PPP2R3B: variants seen among roughly 807,000 people sequenced by gnomAD.
PPP2R3B encodes serine/threonine-protein phosphatase 2A regulatory subunit B'' subunit beta.
A neutral mutation model predicts 72.9 loss-of-function variants in PPP2R3B; 68 were observed. The ratio of observed to expected loss-of-function variants is 0.93; its 90% confidence interval spans 0.77 to 1.14. The LOEUF (loss-of-function observed/expected upper bound fraction) is 1.14, where lower values mean the gene tolerates loss of function less well. PPP2R3B is among the 50% of genes most tolerant of loss of function. The pLI is 0.00. For missense variants in PPP2R3B, 1,018 were observed against 842.0 expected (o/e 1.21, Z -2.59); for synonymous variants, 466 against 375.8 (o/e 1.24, Z -2.78).
intron 2 of PPP2R3B, among the ~76,000 whole-genome samples, chrX:359,434 G>A (rs2071499339): frequency 6.6e-6 from 1 of 152,236 alleles, no homozygotes; most frequent in South Asian, 2.1e-4. Context: ...TTTACTGAGA[G>A]ATGAAACAAT....
chrX:347,640 C>T lies in PPP2R3B; in HGVS notation c.564G>A (p.Gly188=). ...WKGPLFYGAG[G]ERTGSVSVHK... ...GGACGGACACGGAGCCCGTGCGCTC[C>T]CCGCCGGCGCCATAGAAGAGCGGCC... The change falls in exon 3 of 13, where the codon GGG becomes GGA. Residue 188 remains glycine (G), a synonymous_variant. Coordinates refer to ENST00000390665, the MANE Select transcript of PPP2R3B (RefSeq NM_013239.5). 1.3e-6 allele frequency: 2 copies of T among 1,575,374 alleles called. No homozygotes were observed. Among genetic ancestry groups the T allele is most frequent in the South Asian group, 1.2e-5 (1 of 86,810 alleles).
chrX:346,805 T>C (rs770032318), intron 4 of PPP2R3B, 30 bp from the exon 5 acceptor site: 53 of 1,590,614 alleles, frequency 3.3e-5, no homozygotes, highest in Non-Finnish European at 4.5e-5. Context: ...AGGCGCGTGG[T>C]GTAGACGCCG....
chrX:339,001 G>T lies in PPP2R3B; in HGVS notation c.1352-105C>A, dbSNP rs893603103. ...TCACACGTGCTTAAGGACGCGGCAC[G>T]AAGCTCCGGGCTCTCACGCCACGTG... is the stretch of plus-strand genomic sequence containing the variant. On this transcript the variant is annotated intron_variant, in intron 10 of 12. Coordinates refer to ENST00000390665, the MANE Select transcript of PPP2R3B (RefSeq NM_013239.5). 1.1e-5 allele frequency: 10 copies of T among 905,750 alleles called. No individual in the cohort carries two copies. In the African/African-American group the frequency reaches 1.3e-4, roughly 12 times the overall value. 56.1% of individuals were successfully genotyped at this position (905,750 alleles called of 1,614,324 possible).
chrX:342,303 G>T, intron 7 of PPP2R3B: 1 of 324,668 alleles, frequency 3.1e-6, no homozygotes, highest in Non-Finnish European at 5.8e-6. Context: ...ACGGGAGTGA[G>T]ACCTCAGCAA....
At chrX:380,417 G>A (rs1378408924) in intron 1 of PPP2R3B, among the ~76,000 whole-genome samples, 2 of 152,192 alleles carry the variant, frequency 1.3e-5, no homozygotes, top group Non-Finnish European at 2.9e-5. Flanking sequence ...GCTCGACAGT[G>A]GGAACCACAT....
rs2072264249 is a variant in PPP2R3B at position 386,716 on chromosome X, C to T, written c.-25G>A. ...TGGCGGGGGCTGGGCCCGCGGCGCC[C>T]CCGGACGCCCGCGCCCCGCCCCGCC... On this transcript the variant is annotated 5_prime_UTR_variant, in exon 1 of 13. Coordinates refer to ENST00000390665, the MANE Select transcript of PPP2R3B (RefSeq NM_013239.5). 4 of 1,230,828 alleles carry T rather than the reference C, an allele frequency of 3.2e-6. No homozygotes were observed. The highest frequency in any genetic ancestry group is 1.6e-5 in the African/African-American group (1 of 62,906). The allele number at this position is 1,230,828 out of a possible 1,614,324, so 76.2% of individuals were successfully genotyped here.
intron 1 of PPP2R3B, among the ~76,000 whole-genome samples, chrX:362,942 C>T (rs746609448): frequency 6.6e-6 from 1 of 152,166 alleles, no homozygotes; most frequent in East Asian, 1.9e-4. Flanking sequence ...CCACAGGACC[C>T]TCACCCCAGG....
intron 1 of PPP2R3B, among the ~76,000 whole-genome samples, chrX:386,104 A>G (rs941424613): frequency 6.7e-6 from 1 of 148,610 alleles, no homozygotes; most frequent in African/African-American, 2.6e-5. Flanking sequence ...AATTAAAATA[A>G]TAAAATAAAA....
At chrX:363,399 C>CACCATCCCACAAA in intron 1 of PPP2R3B, among the ~76,000 whole-genome samples, 1 of 150,922 alleles carries the variant, frequency 6.6e-6, no homozygotes, top group Admixed American at 6.6e-5. Flanking sequence ...TCCCCGAGCC[C>CACCATCCCACAAA]GCAATCCCAC....
intron 2 of PPP2R3B, among the ~76,000 whole-genome samples, chrX:360,860 C>T (rs1265604512): frequency 7.9e-5 from 12 of 152,312 alleles, no homozygotes; most frequent in East Asian, 5.8e-4. Flanking sequence ...GGCGTCCAGG[C>T]GGTCAGCCTG....
At chrX:341,065 G>A (rs1020966517) in intron 9 of PPP2R3B, 125 bp from the exon 10 acceptor site, 237 of 1,360,018 alleles carry the variant, frequency 1.7e-4, no homozygotes, top group East Asian at 2.9e-4. Flanking sequence ...CCCACCGGGC[G>A]TGCAGGCATC....
At chrX:385,058 C>T (rs1349534267) in intron 1 of PPP2R3B, among the ~76,000 whole-genome samples, 2 of 150,506 alleles carry the variant, frequency 1.3e-5, no homozygotes, top group African/African-American at 4.9e-5. Context: ...CTGGTTCTGG[C>T]CGGTTGACAG....
chrX:343,768 G>C (rs1176043479), intron 7 of PPP2R3B, among the ~76,000 whole-genome samples: 1 of 24,976 alleles, frequency 4.0e-5, no homozygotes, highest in African/African-American at 2.0e-4. Flanking sequence ...TGAGACCTCA[G>C]CAACGGGAGG....
At chrX:340,659 GTC>G in intron 10 of PPP2R3B, 104 bp downstream of exon 10, 1 of 1,004,388 alleles carries the variant, frequency 1.0e-6, no homozygotes, top group Non-Finnish European at 1.4e-6. Flanking sequence ...GCTGTCATCC[GTC>G]CCCTCTCCCT....
chrX:385,145 G>A (rs1352298574), intron 1 of PPP2R3B, among the ~76,000 whole-genome samples: 1 of 151,910 alleles, frequency 6.6e-6, no homozygotes, highest in African/African-American at 2.4e-5. Context: ...TCCGCTCCAA[G>A]GTGAACTCGG....
chrX:339,350 G>A (rs1213419672), intron 10 of PPP2R3B, among the ~76,000 whole-genome samples: 2 of 122,704 alleles, frequency 1.6e-5, no homozygotes, highest in Admixed American at 1.7e-4. Flanking sequence ...TGGATTCTGA[G>A]ATGCAGAAGG....
intron 2 of PPP2R3B, among the ~76,000 whole-genome samples, chrX:348,211 C>T (rs750732286): frequency 1.2e-4 from 18 of 152,176 alleles, no homozygotes; most frequent in Non-Finnish European, 2.1e-4. Context: ...AGAGATGGAA[C>T]GCAAAGTAAA....
At chrX:362,865 G>C (rs181737286) in intron 1 of PPP2R3B, among the ~76,000 whole-genome samples, 1 of 148,838 alleles carries the variant, frequency 6.7e-6, no homozygotes, top group Non-Finnish European at 1.5e-5. Flanking sequence ...CCCTGCTACT[G>C]CCACAGTATC....
At chrX:383,645 G>A (rs2072173359) in intron 1 of PPP2R3B, among the ~76,000 whole-genome samples, 1 of 151,614 alleles carries the variant, frequency 6.6e-6, no homozygotes, top group South Asian at 2.1e-4. Context: ...AGACCATCCC[G>A]GCTAACACGG....
Sources: allele counts gnomAD v4.1 joint callset (sites outside exome capture counted in the v4.1 genomes callset), GRCh38; gene constraint gnomAD v4.1.1; transcripts MANE v1.5; gene names NCBI Gene and HGNC (gene_info 2026-07-23, HGNC 2026-07-21).